RARB: variants seen among roughly 807,000 people sequenced by gnomAD.
RARB encodes the protein retinoic acid receptor beta, also known as HBV-activated protein.
Under a neutral mutation model 51.9 loss-of-function variants are expected in RARB, and 17 were observed. That is an observed-to-expected ratio of 0.33 (90% CI 0.22 to 0.49). The LOEUF is 0.49. Among genes scored for constraint, RARB ranks in the 20% least tolerant of loss-of-function variants. RARB has a pLI of 0.99. For missense variants in RARB, 369 were observed against 550.8 expected, an observed-to-expected ratio of 0.67 and a Z score of 3.30; for synonymous variants, 215 against 195.4, an observed-to-expected ratio of 1.10 and a Z score of -0.84.
intron 2 of RARB, among the ~76,000 whole-genome samples, chr3:24,927,455 C>T (rs2125391227): frequency 6.6e-6 from 1 of 152,116 alleles, no homozygotes; most frequent in South Asian, 2.1e-4. Flanking sequence ...ATGCAGTTAC[C>T]AAGATCTTTC....
intron 5 of RARB, among the ~76,000 whole-genome samples, chr3:25,331,495 A>T (rs534351925): frequency 6.6e-6 from 1 of 152,350 alleles, no homozygotes; most frequent in African/African-American, 2.4e-5. Flanking sequence ...AAGACACAAC[A>T]TACCAGAATC....
chr3:25,335,368 T>C (rs1705034237), intron 5 of RARB, among the ~76,000 whole-genome samples: 1 of 152,180 alleles, frequency 6.6e-6, no homozygotes, highest in South Asian at 2.1e-4. Context: ...AATTAATTCT[T>C]GGATAAAAAT....
At chr3:25,546,246 G>A (rs992688217) in intron 3 of RARB, among the ~76,000 whole-genome samples, 1 of 152,166 alleles carries the variant, frequency 6.6e-6, no homozygotes, top group Non-Finnish European at 1.5e-5. Context: ...GGCTGTGTGC[G>A]AATTCCAGCT....
At chr3:25,063,778 A>G (rs1399645795) in intron 3 of RARB, among the ~76,000 whole-genome samples, 2 of 151,218 alleles carry the variant, frequency 1.3e-5, no homozygotes, top group African/African-American at 2.4e-5. Flanking sequence ...CAGGGTTACC[A>G]CGGGTTATAT....
chr3:24,985,327 G>T (rs895429005), intron 2 of RARB, among the ~76,000 whole-genome samples: 1 of 151,282 alleles, frequency 6.6e-6, no homozygotes, highest in Non-Finnish European at 1.5e-5. Flanking sequence ...CACTGCCATG[G>T]CATTTGCCTC....
At chr3:25,086,616 T>C (rs1313316617) in intron 3 of RARB, among the ~76,000 whole-genome samples, 7 of 152,242 alleles carry the variant, frequency 4.6e-5, no homozygotes, top group Non-Finnish European at 8.8e-5. Flanking sequence ...TTATGTGTTT[T>C]AGGGAGTCAT....
chr3:25,078,167 G>A (rs909397857), intron 3 of RARB, among the ~76,000 whole-genome samples: 1 of 151,932 alleles, frequency 6.6e-6, no homozygotes, highest in Non-Finnish European at 1.5e-5. Context: ...ATCTTAACTG[G>A]TTAGTGCTTT....
At chr3:25,278,593 T>G (rs1236540838) in intron 5 of RARB, among the ~76,000 whole-genome samples, 1 of 152,188 alleles carries the variant, frequency 6.6e-6, no homozygotes, top group East Asian at 1.9e-4. Flanking sequence ...GCTGTATCAA[T>G]TGATTTATGG....
intron 2 of RARB, among the ~76,000 whole-genome samples, chr3:24,886,846 A>C (rs942092543): frequency 2.7e-4 from 41 of 152,222 alleles, no homozygotes; most frequent in African/African-American, 9.9e-4. Flanking sequence ...GATTCATTTT[A>C]GGTTGCTTTC....
rs564453369 is a variant in RARB at position 25,232,587 on chromosome 3, T to C, written c.178+58012T>C. ...TTTCAGCATACACATCCAGTCCATATATTTTTTATATTTATGTCTAAGTAT... is the reference window on the plus strand; with the variant it reads ...TTTCAGCATACACATCCAGTCCATACATTTTTTATATTTATGTCTAAGTAT... On this transcript the variant is annotated intron_variant, in intron 5 of 11. Coordinates refer to the RARB transcript ENST00000383772. Among the ~76,000 whole-genome samples the C allele has an allele frequency of 2.6e-5, 4 of 152,300 alleles. No homozygotes were observed. In the East Asian group the frequency reaches 5.8e-4, roughly 22 times the overall value.
At chr3:24,912,370 GT>G (rs1416043113) in intron 2 of RARB, among the ~76,000 whole-genome samples, 3 of 152,148 alleles carry the variant, frequency 2.0e-5, no homozygotes, top group African/African-American at 7.2e-5. Context: ...TGAAGAATAT[GT>G]TAAATAATAC....
intron 3 of RARB, among the ~76,000 whole-genome samples, chr3:25,516,242 T>G (rs1208557057): frequency 6.6e-6 from 1 of 152,170 alleles, no homozygotes; most frequent in Non-Finnish European, 1.5e-5. Flanking sequence ...TTGTTATATT[T>G]GAAAAATTAT....
intron 5 of RARB, among the ~76,000 whole-genome samples, chr3:25,286,968 G>A (rs1449527056): frequency 5.3e-5 from 8 of 152,114 alleles, no homozygotes; most frequent in Admixed American, 3.3e-4. Flanking sequence ...CTCATGATGC[G>A]CTCTGTCTTT....
chr3:25,157,213 T>G (rs1188075005), intron 4 of RARB, among the ~76,000 whole-genome samples: 1 of 152,184 alleles, frequency 6.6e-6, no homozygotes, highest in Non-Finnish European at 1.5e-5. Flanking sequence ...TATGTGTGAA[T>G]GTGAACTGGC....
Position 25,596,594 on chromosome 3 carries a change from G to A in RARB, c.1325G>A (p.Ser442Asn). ...AGCTCAGTGGAAAACAGTGGGGTCA[G>A]TCAGTCACCACTCGTGCAATAAGAC... ...SPSSVENSGV[S>N]QSPLVQ The change falls in exon 8 of 8, where the codon AGT (serine) becomes AAT (asparagine). Residue 442 changes from serine to asparagine, a missense_variant. This residue lies in a region of RARB where 54 missense variants were observed against 43.4 expected (regional missense o/e 1.24). Coordinates refer to ENST00000330688, the MANE Select transcript of RARB (RefSeq NM_000965.5). The A allele has an allele frequency of 6.2e-7, 1 of 1,608,878 alleles. No homozygotes were observed. The highest frequency in any genetic ancestry group is 8.5e-7 in the Non-Finnish European group (1 of 1,176,158).
intron 3 of RARB, among the ~76,000 whole-genome samples, chr3:25,079,260 T>A (rs1698941163): frequency 3.3e-5 from 5 of 152,228 alleles, no homozygotes; most frequent in Admixed American, 1.3e-4. Context: ...TACTTACACA[T>A]TTTTAATAAA....
At chr3:24,931,329 C>T (rs566004866) in intron 2 of RARB, among the ~76,000 whole-genome samples, 1 of 152,112 alleles carries the variant, frequency 6.6e-6, no homozygotes, top group African/African-American at 2.4e-5. Flanking sequence ...GCAAAGCTTA[C>T]AGTTCTTGGT....
chr3:25,454,333 G>T (rs1309323262), intron 1 of RARB, among the ~76,000 whole-genome samples: 1 of 152,158 alleles, frequency 6.6e-6, no homozygotes, highest in Admixed American at 6.5e-5. Flanking sequence ...ATCCAGATAG[G>T]CTCTCTTTGG....
chr3:25,066,759 AAAAT>A (rs1044192992), intron 3 of RARB, among the ~76,000 whole-genome samples: 1 of 152,186 alleles, frequency 6.6e-6, no homozygotes, highest in African/African-American at 2.4e-5. Context: ...AAAAAACAGA[AAAAT>A]AAAATAAAAA....
Sources: allele counts gnomAD v4.1 joint callset (sites outside exome capture counted in the v4.1 genomes callset), GRCh38; gene constraint gnomAD v4.1.1; regional missense constraint gnomAD v4.1.1; transcripts MANE v1.5; gene names NCBI Gene and HGNC (gene_info 2026-07-23, HGNC 2026-07-21).